The following DNASE1 variants were observed in gnomAD, a reference collection of about 807,000 sequenced individuals.
DNASE1 encodes the protein deoxyribonuclease 1, also known as deoxyribonuclease-1.
Under a neutral mutation model 33.9 loss-of-function variants are expected in DNASE1, and 40 were observed. The observed-to-expected ratio is 1.18, with a 90% confidence interval of 0.92 to 1.54. The LOEUF is 1.54. Among genes scored for constraint, DNASE1 ranks in the 40% most tolerant of loss-of-function variants. The pLI, the probability that DNASE1 is intolerant of heterozygous loss-of-function variation, is 0.00. For synonymous variants in DNASE1, 216 were observed against 160.0 expected (o/e 1.35, Z -2.64); for missense variants, 518 against 372.6 (o/e 1.39, Z -3.21).
intron 1 of DNASE1, among the ~76,000 whole-genome samples, chr16:3,633,970 G>A (rs1167934303): frequency 6.6e-6 from 1 of 151,626 alleles, no homozygotes; most frequent in East Asian, 2.0e-4. Context: ...CACCACGCCT[G>A]GCTAAGTTTT....
intron 1 of DNASE1, among the ~76,000 whole-genome samples, chr16:3,616,550 G>A (rs775402440): frequency 5.3e-5 from 8 of 152,214 alleles, no homozygotes; most frequent in Admixed American, 4.6e-4. Flanking sequence ...GAACCCAGGA[G>A]ATGGAGGTTG....
chr16:3,655,462 T>C lies in DNASE1; in HGVS notation c.89T>C (p.Ile30Thr), dbSNP rs776458509. The change falls in exon 2 of 9, where the codon ATC becomes ACC. Residue 30 changes from isoleucine (I) to threonine (T), a missense_variant. Ile to Thr is a moderately conservative substitution (Grantham distance 89, BLOSUM62 -1). Transcript: ENST00000246949. ...TCCCTGAAGATCGCAGCCTTCAACA[T>C]CCAGACATTTGGGGAGACCAAGATG... ...AVSLKIAAFN[I>T]QTFGETKMSN... is the part of the protein sequence containing the mutation. The C allele has an allele frequency of 2.4e-5, 38 of 1,614,008 alleles. No homozygotes were observed. Among genetic ancestry groups the C allele is most frequent in the Non-Finnish European group, 3.1e-5 (37 of 1,180,046 alleles).
chr16:3,655,428 G>A lies in DNASE1; in HGVS notation c.55G>A (p.Gly19Arg), dbSNP rs780001880. 3.2e-5 allele frequency: 51 copies of A among 1,613,964 alleles called. No homozygotes were observed. Among genetic ancestry groups the A allele is most frequent in the Non-Finnish European group, 4.2e-5 (50 of 1,180,024 alleles). Residue 19 changes from glycine to arginine, a missense_variant, in exon 2 of 9, where the codon GGG becomes AGG. Gly to Arg is a moderately radical substitution (Grantham distance 125). Transcript: ENST00000246949. ...ALLALAALLQ[G>R]AVSLKIAAFN... ...GCTGGCACTGGCGGCCCTACTGCAG[G>A]GGGCCGTGTCCCTGAAGATCGCAGC...
chr16:3,655,709 C>G, intron 2 of DNASE1, 140 bp from the exon 3 acceptor site: 1 of 1,376,026 alleles, frequency 7.3e-7, no homozygotes, highest in South Asian at 1.2e-5. Flanking sequence ...CCCTGGCTGG[C>G]AGCAGGAGCC....
At chr16:3,658,371 C>T, downstream of DNASE1, 2 of 690,116 alleles carry the variant, frequency 2.9e-6, no homozygotes, top group Non-Finnish European at 4.9e-6. Flanking sequence ...GGTGATCCCC[C>T]CGCCTCCCAA....
intron 5 of DNASE1, 39 bp downstream of exon 5, chr16:3,656,792 G>A (rs747880007): frequency 1.6e-5 from 25 of 1,565,982 alleles, no homozygotes; most frequent in East Asian, 1.2e-4. Context: ...TCGGCTTGGC[G>A]CTTATGGCCT....
intron 1 of DNASE1, among the ~76,000 whole-genome samples, chr16:3,620,452 G>A (rs2041267271): frequency 6.6e-6 from 1 of 150,520 alleles, no homozygotes; most frequent in African/African-American, 2.4e-5. Flanking sequence ...CTGTAACTTC[G>A]AGGCTGCAGT....
intron 1 of DNASE1, among the ~76,000 whole-genome samples, chr16:3,622,546 A>G (rs1487814949): frequency 2.0e-5 from 3 of 152,154 alleles, no homozygotes; most frequent in African/African-American, 4.8e-5. Context: ...TAAGAACTCT[A>G]TATTGTGGAA....
chr16:3,637,007 C>T (rs1444282593), intron 1 of DNASE1, among the ~76,000 whole-genome samples: 1 of 152,082 alleles, frequency 6.6e-6, no homozygotes, highest in Non-Finnish European at 1.5e-5. Flanking sequence ...GCCTGTAATC[C>T]CAGCTACTTG....
chr16:3,615,626 A>C (rs1016131535), intron 1 of DNASE1, among the ~76,000 whole-genome samples: 1 of 152,234 alleles, frequency 6.6e-6, no homozygotes, highest in African/African-American at 2.4e-5. Flanking sequence ...TGTGTTTGGT[A>C]AACCTTACAG....
At chr16:3,646,788 G>A (rs567501611) in intron 1 of DNASE1, among the ~76,000 whole-genome samples, 23 of 152,274 alleles carry the variant, frequency 1.5e-4, no homozygotes, top group African/African-American at 5.3e-4. Context: ...CAGTGATGAC[G>A]GGTGGTATGG....
downstream of DNASE1, chr16:3,659,747 T>G (rs2042954646): frequency 8.6e-6 from 1 of 116,350 alleles, no homozygotes; most frequent in Non-Finnish European, 1.7e-5. Flanking sequence ...ACACTTTTTT[T>G]TTTAGATAGA....
intron 1 of DNASE1, among the ~76,000 whole-genome samples, chr16:3,626,495 C>CT (rs1275448513): frequency 9.9e-5 from 15 of 152,166 alleles, no homozygotes; most frequent in African/African-American, 3.6e-4. Flanking sequence ...AGAGATCATA[C>CT]TTTATATGAT....
Position 3,656,992 on chromosome 16 carries a change from T to C in DNASE1, c.437-7T>C. ...GTGTGCCTCACACGACGTGGCTGTC[T>C]CCACAGAGGTCAGGGAGTTTGCCAT... On this transcript the variant is annotated splice_region_variant and splice_polypyrimidine_tract_variant and intron_variant, in intron 5 of 8. Coordinates refer to ENST00000246949, the MANE Select transcript of DNASE1 (RefSeq NM_005223.4). 6.2e-7 allele frequency: 1 copy of C among 1,613,188 alleles called. No individual in the cohort carries two copies. Among genetic ancestry groups the C allele is most frequent in the Non-Finnish European group, 8.5e-7 (1 of 1,179,772 alleles).
upstream of DNASE1, among the ~76,000 whole-genome samples, chr16:3,638,104 A>AGTGTGTGTGTGT (rs58884007): frequency 7.7e-5 from 11 of 143,558 alleles, no homozygotes; most frequent in Non-Finnish European, 1.1e-4. Context: ...AGTTTTTGTG[A>AGTGTGTGTGTGT]GTGTGTGTGT....
chr16:3,641,012 C>T (rs2042010200), upstream of DNASE1: 1 of 398,674 alleles, frequency 2.5e-6, no homozygotes, highest in East Asian at 3.6e-5. Flanking sequence ...GATGTGGTCA[C>T]TCTGGATTTG....
upstream of DNASE1, chr16:3,651,403 C>T (rs1164904654): frequency 6.6e-6 from 1 of 152,212 alleles, no homozygotes. Context: ...CAGCTTTTCT[C>T]CTCGTTGCCG....
intron 1 of DNASE1, among the ~76,000 whole-genome samples, chr16:3,618,017 T>C (rs916204021): frequency 1.4e-5 from 2 of 147,930 alleles, no homozygotes; most frequent in South Asian, 2.1e-4. Flanking sequence ...AAAGAACTTT[T>C]ACAACTCAAT....
At position 3,657,027 on chromosome 16, in the gene DNASE1, G is replaced by A; in HGVS notation, c.465G>A (p.Leu155=). 3 of 1,613,868 alleles carry A rather than the reference G, an allele frequency of 1.9e-6. No individual in the cohort carries two copies. The highest frequency in any genetic ancestry group is 2.5e-6 in the Non-Finnish European group (3 of 1,179,984). The part of the protein sequence containing the change: ...TEVREFAIVP[L]HAAPGDAVAE... Reference sequence around the variant, plus strand: ...TCAGGGAGTTTGCCATTGTTCCCCTGCATGCGGCCCCGGGGGACGCAGTAG... The same window carrying A: ...TCAGGGAGTTTGCCATTGTTCCCCTACATGCGGCCCCGGGGGACGCAGTAG... Residue 155 remains leucine, a synonymous_variant, in exon 6 of 9, where the codon CTG becomes CTA. Coordinates refer to ENST00000246949, the MANE Select transcript of DNASE1 (RefSeq NM_005223.4).
Sources: gnomAD v4.1 joint callset for allele counts (sites outside exome capture counted in the v4.1 genomes callset) on GRCh38, gnomAD v4.1.1 for gene constraint, MANE v1.5 for transcripts, NCBI Gene and HGNC (gene_info 2026-07-23, HGNC 2026-07-21) for gene names.